Variants in ADGRL3 observed in about 807,000 individuals in gnomAD.
The protein encoded by ADGRL3 is adhesion G protein-coupled receptor L3, also known as calcium-independent alpha-latrotoxin receptor 3.
ADGRL3 carries 62 observed loss-of-function variants against 153.5 expected under a neutral mutation model. The observed-to-expected ratio is 0.40, with a 90% CI of 0.33 to 0.50. The LOEUF is 0.50. ADGRL3 is among the 20% of genes least tolerant of loss of function. The pLI, the probability that ADGRL3 is intolerant of heterozygous loss-of-function variation, is 0.47. For missense variants in ADGRL3, 1,641 were observed against 1,859.4 expected, an observed-to-expected ratio of 0.88 and a Z score of 2.16; for synonymous variants, 710 against 672.5, an observed-to-expected ratio of 1.06 and a Z score of -0.86.
intron 18 of ADGRL3, 53 bp from the exon 19 acceptor site, chr4:61,983,330 A>T: frequency 7.2e-7 from 1 of 1,396,684 alleles, no homozygotes; most frequent in Non-Finnish European, 1.0e-6. Context: ...ATGGCAGTTG[A>T]CTAGTATCCC....
chr4:62,036,566 C>T (rs927937804), intron 23 of ADGRL3, among the ~76,000 whole-genome samples: 6 of 151,966 alleles, frequency 3.9e-5, no homozygotes, highest in African/African-American at 1.2e-4. Flanking sequence ...ATGAAATGTT[C>T]CCATTTGGAA....
At chr4:61,984,151 A>T (rs2099077737) in intron 19 of ADGRL3, among the ~76,000 whole-genome samples, 1 of 152,198 alleles carries the variant, frequency 6.6e-6, no homozygotes, top group South Asian at 2.1e-4. Context: ...TGTGAAGCAT[A>T]TTAGCATGGA....
At chr4:61,844,354 C>T (rs1252663103) in intron 9 of ADGRL3, among the ~76,000 whole-genome samples, 1 of 150,542 alleles carries the variant, frequency 6.6e-6, no homozygotes, top group Non-Finnish European at 1.5e-5. Flanking sequence ...TCCAGACCAG[C>T]CTGGCCAACC....
chr4:61,512,499 T>C (rs1416928312), intron 3 of ADGRL3, among the ~76,000 whole-genome samples: 4 of 152,006 alleles, frequency 2.6e-5, no homozygotes, highest in Non-Finnish European at 5.9e-5. Context: ...AAATTATAAA[T>C]AAACAAACCA....
At chr4:61,765,227 A>C (rs1380576611) in intron 8 of ADGRL3, among the ~76,000 whole-genome samples, 3 of 152,096 alleles carry the variant, frequency 2.0e-5, no homozygotes, top group Non-Finnish European at 2.9e-5. Context: ...AGAACGGTGA[A>C]TAGGAGTATG....
At chr4:61,777,504 G>T (rs2097167000) in intron 8 of ADGRL3, among the ~76,000 whole-genome samples, 1 of 152,206 alleles carries the variant, frequency 6.6e-6, no homozygotes, top group Admixed American at 6.5e-5. Context: ...ACATTTTAGT[G>T]AATATATTCA....
chr4:61,577,055 A>G lies in ADGRL3; in HGVS notation c.260-10172A>G, dbSNP rs373054594. 3.3e-5 allele frequency among the ~76,000 whole-genome samples: 5 copies of G among 152,152 alleles called. 1 individual carries two copies. Among genetic ancestry groups the G allele is most frequent in the African/African-American group, 1.2e-4 (5 of 41,530 alleles). ...TGGAAGATTTATGCTTCAGAATTAG[A>G]AAGAAAAGCCTTAGTATTACTTTCC... is the stretch of plus-strand genomic sequence containing the variant. On this transcript the variant is annotated intron_variant, in intron 4 of 26. Transcript: ENST00000683033.
At chr4:61,876,634 G>A (rs2098477023) in intron 9 of ADGRL3, among the ~76,000 whole-genome samples, 2 of 151,722 alleles carry the variant, frequency 1.3e-5, no homozygotes, top group Non-Finnish European at 2.9e-5. Flanking sequence ...GGGCCTGGGA[G>A]GGAAGAAGAG....
intron 2 of ADGRL3, among the ~76,000 whole-genome samples, chr4:61,434,748 T>G (rs6551630): frequency 0.92 from 140,068 of 152,076 alleles, 65,593 homozygotes; most frequent in East Asian, 1. Context: ...ATTAACCAAG[T>G]TTCTTCAAAT....
At chr4:61,972,745 G>A (rs2099033531) in intron 17 of ADGRL3, among the ~76,000 whole-genome samples, 1 of 151,964 alleles carries the variant, frequency 6.6e-6, no homozygotes, top group African/African-American at 2.4e-5. Context: ...AAATTACCTT[G>A]GGCAGTATGG....
At chr4:61,614,875 A>G (rs574445748) in intron 5 of ADGRL3, among the ~76,000 whole-genome samples, 2 of 152,278 alleles carry the variant, frequency 1.3e-5, no homozygotes, top group South Asian at 2.1e-4. Context: ...TATCAGCTCT[A>G]TGAGCATAGA....
intron 25 of ADGRL3, among the ~76,000 whole-genome samples, chr4:62,050,463 A>G (rs1304795943): frequency 6.6e-6 from 1 of 152,058 alleles, no homozygotes; most frequent in African/African-American, 2.4e-5. Flanking sequence ...CGTTTTTAAC[A>G]AAAGTTTTCT....
At chr4:61,293,690 C>T (rs938489329) in intron 1 of ADGRL3, among the ~76,000 whole-genome samples, 4 of 152,084 alleles carry the variant, frequency 2.6e-5, no homozygotes, top group Admixed American at 2.6e-4. Context: ...TAGAATAAAG[C>T]ATAGAATATT....
intron 5 of ADGRL3, among the ~76,000 whole-genome samples, chr4:61,620,101 T>G (rs1464039545): frequency 6.6e-6 from 1 of 151,726 alleles, no homozygotes; most frequent in Non-Finnish European, 1.5e-5. Flanking sequence ...GCTTTATGCT[T>G]CTTCCTTTAA....
At chr4:62,031,646 A>G (rs367935047) in intron 23 of ADGRL3, 36 bp downstream of exon 23, 8 of 1,456,418 alleles carry the variant, frequency 5.5e-6, no homozygotes, top group Admixed American at 1.8e-5. Flanking sequence ...TAAAAATGGC[A>G]TACATTTCAT....
intron 25 of ADGRL3, among the ~76,000 whole-genome samples, chr4:62,054,313 A>G (rs1735845866): frequency 6.6e-6 from 1 of 151,616 alleles, no homozygotes; most frequent in South Asian, 2.1e-4. Flanking sequence ...TAAATTACTA[A>G]TAAGAGTCCC....
In ADGRL3 at chr4:61,587,454, A is replaced by C. The variant is rs2149356693; in HGVS notation, c.473+14A>C. On this transcript the variant is annotated intron_variant, in intron 5 of 26. Transcript: ENST00000683033. Reference sequence around the variant, plus strand: ...TATGTCTCAAAGGTATGATACTTCTAATATTCTTTTCTTTGTGCACAATAT... The same window carrying C: ...TATGTCTCAAAGGTATGATACTTCTCATATTCTTTTCTTTGTGCACAATAT... 1 of 1,569,300 alleles carries C rather than the reference A, an allele frequency of 6.4e-7. No homozygotes were observed. The highest frequency in any genetic ancestry group is 1.1e-5 in the South Asian group (1 of 89,308).
Position 61,653,151 on chromosome 4 carries a change from GTC to G in ADGRL3, c.474-23656_474-23655del, listed in dbSNP as rs58848073. 4.4e-3 allele frequency among the ~76,000 whole-genome samples: 585 copies of G among 134,172 alleles called. 3 individuals carry two copies. The highest frequency in any genetic ancestry group is 0.012 in the East Asian group (49 of 4,148). The allele number at this position is 134,172 out of a possible 152,430, so 88.0% of individuals were successfully genotyped here. On this transcript the variant is annotated intron_variant, in intron 5 of 26. Coordinates refer to ENST00000683033, the MANE Select transcript of ADGRL3 (RefSeq NM_001387552.1). ...AAAGCCTCTCTCTCTCTCTCTCTCT[GTC>G]TCTCTCTCTCTCTCTCTCACACACA...
chr4:61,385,250 T>G (rs2096722337), intron 2 of ADGRL3, among the ~76,000 whole-genome samples: 1 of 152,096 alleles, frequency 6.6e-6, no homozygotes, highest in African/African-American at 2.4e-5. Flanking sequence ...GTTCTGAAAT[T>G]TTATTCCAAC....
Sources: allele counts gnomAD v4.1 joint callset (sites outside exome capture counted in the v4.1 genomes callset), GRCh38; gene constraint gnomAD v4.1.1; transcripts MANE v1.5; gene names NCBI Gene and HGNC (gene_info 2026-07-23, HGNC 2026-07-21).